MAP2K4: variants seen among roughly 807,000 people sequenced by gnomAD.
MAP2K4 encodes mitogen-activated protein kinase kinase 4.
In MAP2K4, 4 loss-of-function variants were observed where a neutral mutation model predicts 48.5. The ratio of observed to expected loss-of-function variants is 0.08; its 90% CI spans 0.04 to 0.19. The LOEUF (loss-of-function observed/expected upper bound fraction) is 0.19. Among genes scored for constraint, MAP2K4 ranks in the 10% least tolerant of loss-of-function variants. The probability of loss-of-function intolerance (pLI) is 1.00; values close to 1 mark genes in which losing one functional copy is unlikely to be tolerated. For missense variants in MAP2K4, 258 were observed against 493.3 expected, an observed-to-expected ratio of 0.52 and a Z score of 4.52; for synonymous variants, 166 against 173.1, an observed-to-expected ratio of 0.96 and a Z score of 0.32.
chr17:12,096,670 T>G (rs1221321339), intron 4 of MAP2K4, among the ~76,000 whole-genome samples: 1 of 152,136 alleles, frequency 6.6e-6, no homozygotes. Context: ...ATCCTTGGGG[T>G]TTTTGTTGTT....
chr17:12,088,579 T>G (rs1971459814), intron 3 of MAP2K4, among the ~76,000 whole-genome samples: 1 of 140,300 alleles, frequency 7.1e-6, no homozygotes, highest in South Asian at 2.1e-4. Flanking sequence ...ATATATAATA[T>G]ATAATATATA....
rs1042072430 is a variant in MAP2K4 at position 12,052,248 on chromosome 17, T to C, written c.116-2641T>C. 5.9e-5 allele frequency among the ~76,000 whole-genome samples: 9 copies of C among 152,318 alleles called. No individual in the cohort carries two copies. The East Asian group carries it at 1.2e-3, about 20-fold the overall frequency. ...GTTTTGTTAGTAAATGATCAGAATA[T>C]AAATTTGGACTTTTTCAAGATAATT... On this transcript the variant is annotated intron_variant, in intron 1 of 10. Transcript: ENST00000353533.
At position 12,110,519 on chromosome 17, in the gene MAP2K4, A is replaced by G. The variant is rs909852160; in HGVS notation, c.685+93A>G. 5.8e-6 allele frequency: 5 copies of G among 864,526 alleles called. No homozygotes were observed. The African/African-American group carries it at 8.6e-5, about 15-fold the overall frequency. The allele number at this position is 864,526 out of a possible 1,614,324, so 53.6% of individuals were successfully genotyped here. On this transcript the variant is annotated intron_variant, in intron 6 of 10. Coordinates refer to ENST00000353533, the MANE Select transcript of MAP2K4 (RefSeq NM_003010.4). ...TGAAAATTACAGTGTCACTGTATAA[A>G]CTTTCCTAAAATATTTGTATTTTTA...
chr17:12,053,519 G>T (rs1306213905), intron 1 of MAP2K4, among the ~76,000 whole-genome samples: 1 of 146,390 alleles, frequency 6.8e-6, no homozygotes. Context: ...TTTTAGTTTT[G>T]TTTTTTGGTA....
intron 7 of MAP2K4, among the ~76,000 whole-genome samples, chr17:12,119,159 C>G (rs1457873742): frequency 1.3e-5 from 2 of 152,074 alleles, no homozygotes; most frequent in East Asian, 3.9e-4. Context: ...TGCCCATAGA[C>G]AAAGTGCACA....
intron 2 of MAP2K4, among the ~76,000 whole-genome samples, chr17:12,063,628 T>C (rs962696954): frequency 6.6e-6 from 1 of 152,120 alleles, no homozygotes; most frequent in African/African-American, 2.4e-5. Context: ...AATAATAAAT[T>C]GGATTTTATC....
intron 1 of MAP2K4, chr17:12,021,511 C>G (rs1229428452): frequency 2.0e-5 from 3 of 151,590 alleles, no homozygotes; most frequent in Non-Finnish European, 2.9e-5. Context: ...TGGCTGTCGC[C>G]GGGCACAGCT....
chr17:12,111,333 T>G (rs145506535), intron 6 of MAP2K4, among the ~76,000 whole-genome samples: 14 of 152,346 alleles, frequency 9.2e-5, no homozygotes, highest in African/African-American at 3.4e-4. Flanking sequence ...TAGTGAACCT[T>G]GAACATCAGT....
intron 3 of MAP2K4, among the ~76,000 whole-genome samples, chr17:12,086,633 G>T (rs1291741797): frequency 1.3e-5 from 2 of 152,164 alleles, no homozygotes; most frequent in Non-Finnish European, 2.9e-5. Context: ...CACCAGCTCT[G>T]AGGAATTAAT....
At chr17:12,046,642 A>T (rs1319176559) in intron 1 of MAP2K4, among the ~76,000 whole-genome samples, 2 of 152,140 alleles carry the variant, frequency 1.3e-5, no homozygotes, top group Admixed American at 6.5e-5. Context: ...TGCTTAATTG[A>T]TGTGAAATAA....
intron 2 of MAP2K4, among the ~76,000 whole-genome samples, chr17:12,066,333 G>A (rs910256147): frequency 2.0e-5 from 3 of 151,982 alleles, no homozygotes; most frequent in African/African-American, 7.3e-5. Context: ...AGATAACCCT[G>A]TTAAATGTAA....
intron 1 of MAP2K4, chr17:12,032,430 T>A (rs1969469492): frequency 2.4e-6 from 1 of 413,054 alleles, no homozygotes; most frequent in Non-Finnish European, 4.2e-6. Context: ...CATTTTTCAT[T>A]CTTCTTCCAA....
chr17:12,047,883 A>G lies in MAP2K4; in HGVS notation c.116-7006A>G, dbSNP rs372763079. Among the ~76,000 whole-genome samples, 17 of 152,294 alleles carry G rather than the reference A, an allele frequency of 1.1e-4. No individual in the cohort carries two copies. The South Asian group carries it at 3.5e-3, about 32-fold the overall frequency. ...GACTGTTTTTATCCTGGTTTCACAG[A>G]TGTGTAGTGTACTAGACCACAGAAA... is the stretch of plus-strand genomic sequence containing the variant. On this transcript the variant is annotated intron_variant, in intron 1 of 10. Transcript: ENST00000353533.
intron 2 of MAP2K4, among the ~76,000 whole-genome samples, chr17:12,074,665 T>C (rs1970937097): frequency 6.6e-6 from 1 of 152,144 alleles, no homozygotes. Context: ...TGCATATCGG[T>C]GGGGTTCTCT....
intron 6 of MAP2K4, among the ~76,000 whole-genome samples, chr17:12,112,260 C>T (rs986512352): frequency 8.6e-5 from 13 of 151,972 alleles, no homozygotes; most frequent in Non-Finnish European, 1.2e-4. Flanking sequence ...GTCAGAAGTT[C>T]GAGACCAGCC....
At position 12,081,655 on chromosome 17, in the gene MAP2K4, C is replaced by A. The variant is rs1003321895; in HGVS notation, c.393+125C>A. 26 of 926,814 alleles carry A rather than the reference C, an allele frequency of 2.8e-5. No homozygotes were observed. The highest frequency in any genetic ancestry group is 3.9e-5 in the Non-Finnish European group (24 of 612,012). The allele number at this position is 926,814 out of a possible 1,614,324, so 57.4% of individuals were successfully genotyped here. A position where few individuals can be genotyped will look rare whatever the true frequency, so the allele number is the denominator to read the frequency against. On this transcript the variant is annotated intron_variant, in intron 3 of 10. Transcript: ENST00000353533. The surrounding 1 kb of genome is among the most constrained non-coding windows in gnomAD (Gnocchi z 4.2). The stretch of plus-strand genomic sequence containing the variant: ...TGTGGGTGTTTAAAAAATTGTTTCT[C>A]CAACTCCTTTGAGGGTGTTCTGTGT...
At chr17:12,117,574 G>A (rs768070789) in intron 7 of MAP2K4, among the ~76,000 whole-genome samples, 3 of 150,600 alleles carry the variant, frequency 2.0e-5, no homozygotes, top group Non-Finnish European at 3.0e-5. Flanking sequence ...ATGGGGCCAA[G>A]ACCTACCTGC....
At chr17:12,042,708 C>T (rs1243240213) in intron 1 of MAP2K4, among the ~76,000 whole-genome samples, 5 of 152,036 alleles carry the variant, frequency 3.3e-5, no homozygotes, top group Non-Finnish European at 7.4e-5. Flanking sequence ...GACTCTCTGA[C>T]TTTCCTGAGT....
rs989194018 is a variant in MAP2K4, at chr17:12,081,141, C to T, written c.219-215C>T. ...CTTGGCAATTTGTTTTTATGAATCC[C>T]GTTGAAGCTGTGTCTATTGACTACC... On this transcript the variant is annotated intron_variant, in intron 2 of 10. Transcript: ENST00000353533. The surrounding 1 kb of genome is among the most constrained non-coding windows in gnomAD (Gnocchi z 4.2). 1.6e-4 allele frequency among the ~76,000 whole-genome samples: 25 copies of T among 152,112 alleles called. No individual in the cohort carries two copies. The highest frequency in any genetic ancestry group is 2.1e-4 in the Non-Finnish European group (14 of 68,016).
Sources: allele counts gnomAD v4.1 joint callset (sites outside exome capture counted in the v4.1 genomes callset), GRCh38; gene constraint gnomAD v4.1.1; non-coding constraint Gnocchi (gnomAD v3.1); transcripts MANE v1.5; gene names NCBI Gene and HGNC (gene_info 2026-07-23, HGNC 2026-07-21).